PHACTR2: variants seen among roughly 807,000 people sequenced by gnomAD.
PHACTR2 encodes phosphatase and actin regulator 2.
A neutral mutation model predicts 76.0 loss-of-function variants in PHACTR2; 30 were observed. That is an observed-to-expected ratio of 0.39 (90% CI 0.30 to 0.54). The LOEUF (loss-of-function observed/expected upper bound fraction) is 0.54. PHACTR2 is among the 20% of genes least tolerant of loss of function. PHACTR2 has a pLI of 0.61. For synonymous variants in PHACTR2, 292 were observed against 292.5 expected (o/e 1.00, Z 0.02); for missense variants, 696 against 781.1 (o/e 0.89, Z 1.30).
chr6:143,638,102 G>A (rs2128443354), intron 1 of PHACTR2, among the ~76,000 whole-genome samples: 1 of 152,358 alleles, frequency 6.6e-6, no homozygotes, highest in Middle Eastern at 3.4e-3. Flanking sequence ...TATTTTTAGT[G>A]TGTAGTTGAT....
At chr6:143,603,873 T>A (rs1338491848), upstream of PHACTR2, among the ~76,000 whole-genome samples, 1 of 151,726 alleles carries the variant, frequency 6.6e-6, no homozygotes, top group East Asian at 1.9e-4. Flanking sequence ...CCGAGGTGGG[T>A]GGATCACTTG....
chr6:143,700,336 C>G lies in PHACTR2; in HGVS notation c.47-11680C>G, dbSNP rs1030826697. On this transcript the variant is annotated intron_variant, in intron 1 of 12. Transcript: ENST00000440869. This position sits in a 1 kb window ranked among gnomAD's most constrained non-coding sequence, Gnocchi z 4.1. ...TTGGGAGGCTGAGGTGGGCGGATCA[C>G]TTGAGCTTAGGAGTTTGAGACTGGC... Among the ~76,000 whole-genome samples the G allele has an allele frequency of 6.6e-6, 1 of 152,154 alleles. No individual in the cohort carries two copies. The highest frequency in any genetic ancestry group is 2.4e-5 in the African/African-American group (1 of 41,426).
intron 1 of PHACTR2, among the ~76,000 whole-genome samples, chr6:143,691,602 G>T (rs892689869): frequency 7.9e-5 from 12 of 152,202 alleles, no homozygotes; most frequent in Non-Finnish European, 1.6e-4. Context: ...AGGCAAGGAA[G>T]TTATCAGCAG....
intron 1 of PHACTR2, among the ~76,000 whole-genome samples, chr6:143,594,319 A>G (rs1562243793): frequency 6.6e-6 from 1 of 152,230 alleles, no homozygotes; most frequent in African/African-American, 2.4e-5. Context: ...AAAACCATTG[A>G]CATTGCATGT....
At chr6:143,759,083 G>C (rs948437272) in intron 4 of PHACTR2, among the ~76,000 whole-genome samples, 4 of 152,072 alleles carry the variant, frequency 2.6e-5, no homozygotes, top group Non-Finnish European at 5.9e-5. Flanking sequence ...GACTAGAATG[G>C]TATTTTAGTT....
At chr6:143,723,892 T>G (rs1778499153) in intron 2 of PHACTR2, among the ~76,000 whole-genome samples, 1 of 151,706 alleles carries the variant, frequency 6.6e-6, no homozygotes, top group Non-Finnish European at 1.5e-5. Flanking sequence ...TTGGTTCCTA[T>G]TTTTTCCTCA....
chr6:143,723,850 G>T (rs1749053177), intron 2 of PHACTR2, among the ~76,000 whole-genome samples: 1 of 152,116 alleles, frequency 6.6e-6, no homozygotes, highest in Non-Finnish European at 1.5e-5. Flanking sequence ...ACTCTTGACA[G>T]GACATCTTGG....
intron 1 of PHACTR2, among the ~76,000 whole-genome samples, chr6:143,576,275 A>G (rs1176923775): frequency 6.6e-6 from 1 of 152,202 alleles, no homozygotes; most frequent in Non-Finnish European, 1.5e-5. Flanking sequence ...CTCCGCTCTC[A>G]TGACATAGCT....
Position 143,558,959 on chromosome 6 carries a change from TACAAGTGCACTG to T in PHACTR2, c.217+21754_217+21765del, listed in dbSNP as rs565515322. On this transcript the variant is annotated intron_variant, in intron 1 of 11. Transcript: ENST00000367584. This position sits in a 1 kb window ranked among gnomAD's most constrained non-coding sequence, Gnocchi z 4.7. Reference sequence around the variant, plus strand: ...CTCCCTGGGAGAAGGGGAGATCTGTTACAAGTGCACTGAAAGGGTCTCTCCAGACACTTGACA... The same window carrying T: ...CTCCCTGGGAGAAGGGGAGATCTGTTAAAGGGTCTCTCCAGACACTTGACA... 1.4e-3 allele frequency among the ~76,000 whole-genome samples: 206 copies of T among 152,322 alleles called. No individual in the cohort carries two copies. The highest frequency in any genetic ancestry group is 4.7e-3 in the African/African-American group (196 of 41,574).
rs986288282 is a variant in PHACTR2 at position 143,641,348 on chromosome 6, T to C, written c.13+33026T>C. The stretch of plus-strand genomic sequence containing the variant: ...GAGATTGGAATGGTATAGCCATAAG[T>C]CAAGGAATGCCTGGAGCTTCCAGAA... On this transcript the variant is annotated intron_variant, in intron 1 of 11. Transcript: ENST00000305766. The surrounding 1 kb of genome is among the most constrained non-coding windows in gnomAD (Gnocchi z 5.8). 1.3e-5 allele frequency among the ~76,000 whole-genome samples: 2 copies of C among 152,102 alleles called. No individual in the cohort carries two copies. The highest frequency in any genetic ancestry group is 4.8e-5 in the African/African-American group (2 of 41,408).
intron 2 of PHACTR2, among the ~76,000 whole-genome samples, chr6:143,728,685 A>G (rs1778632042): frequency 6.6e-6 from 1 of 152,194 alleles, no homozygotes; most frequent in Non-Finnish European, 1.5e-5. Context: ...AAAACTACAC[A>G]TTTACAGCCA....
chr6:143,728,335 C>T (rs1463947097), intron 2 of PHACTR2, among the ~76,000 whole-genome samples: 2 of 151,192 alleles, frequency 1.3e-5, no homozygotes, highest in Non-Finnish European at 2.9e-5. Flanking sequence ...CCTCAGCCTC[C>T]CGAGTAGCTG....
intron 1 of PHACTR2, among the ~76,000 whole-genome samples, chr6:143,552,400 A>G (rs1775106988): frequency 6.6e-6 from 1 of 152,214 alleles, no homozygotes; most frequent in South Asian, 2.1e-4. Flanking sequence ...GTAGGAGTTG[A>G]AGGGAAGTTT....
Position 143,680,544 on chromosome 6 carries a change from C to T in PHACTR2, c.46+2335C>T, listed in dbSNP as rs1777368704. 6.6e-6 allele frequency among the ~76,000 whole-genome samples: 1 copy of T among 152,218 alleles called. No individual in the cohort carries two copies. Among genetic ancestry groups the T allele is most frequent in the Non-Finnish European group, 1.5e-5 (1 of 68,024 alleles). ...TTTCCCCGTTTTGACTTTAGGCTCT[C>T]TAGAGCCTTTCAGTTTAGGTTGCAC... On this transcript the variant is annotated intron_variant, in intron 1 of 12. Coordinates refer to ENST00000440869, the MANE Select transcript of PHACTR2 (RefSeq NM_001100164.2). The surrounding 1 kb of genome is among the most constrained non-coding windows in gnomAD (Gnocchi z 4.5).
rs1562241597 is a variant in PHACTR2 at position 143,581,660 on chromosome 6, T to A, written c.217+44453T>A. ...GGCTGGGCAACATGATGAAACCCTG[T>A]CTCTACCAAAAAATACGAACATTAG... On this transcript the variant is annotated intron_variant, in intron 1 of 11. Transcript: ENST00000367584. The surrounding 1 kb of genome is among the most constrained non-coding windows in gnomAD (Gnocchi z 4.5). 6.6e-6 allele frequency among the ~76,000 whole-genome samples: 1 copy of A among 152,000 alleles called. No homozygotes were observed. The highest frequency in any genetic ancestry group is 1.5e-5 in the Non-Finnish European group (1 of 67,980).
intron 1 of PHACTR2, among the ~76,000 whole-genome samples, chr6:143,657,776 T>C (rs151326180): frequency 1.4e-3 from 219 of 152,252 alleles, no homozygotes; most frequent in Non-Finnish European, 2.2e-3. Context: ...GTGGGGACCT[T>C]GATGCTTGCC....
At chr6:143,744,254 C>A (rs1461414193) in intron 2 of PHACTR2, among the ~76,000 whole-genome samples, 1 of 152,202 alleles carries the variant, frequency 6.6e-6, no homozygotes, top group Non-Finnish European at 1.5e-5. Context: ...AGGGTTTTGC[C>A]ACAAGCCTCA....
At chr6:143,538,484 G>A (rs1781140300) in intron 1 of PHACTR2, among the ~76,000 whole-genome samples, 1 of 152,206 alleles carries the variant, frequency 6.6e-6, no homozygotes, top group Non-Finnish European at 1.5e-5. Context: ...TGGGAGCTGG[G>A]AAATTAGAAA....
chr6:143,801,093 G>A lies in PHACTR2; in HGVS notation c.1846-5964G>A, dbSNP rs1582894558. ...GTTAGTCTGATGGCTTCCCTTTGTG[G>A]TTAACCCAACCTTTCTCTCTGGCTG... On this transcript the variant is annotated intron_variant, in intron 11 of 12. Transcript: ENST00000440869. The surrounding 1 kb of genome is among the most constrained non-coding windows in gnomAD (Gnocchi z 4.6). Among the ~76,000 whole-genome samples the A allele has an allele frequency of 6.6e-6, 1 of 152,120 alleles. No individual in the cohort carries two copies. The highest frequency in any genetic ancestry group is 1.9e-4 in the East Asian group (1 of 5,192).
Sources: allele counts gnomAD v4.1 joint callset (sites outside exome capture counted in the v4.1 genomes callset), GRCh38; gene constraint gnomAD v4.1.1; non-coding constraint Gnocchi (gnomAD v3.1); transcripts MANE v1.5; gene names NCBI Gene and HGNC (gene_info 2026-07-23, HGNC 2026-07-21).